MECOM: variants seen among roughly 807,000 people sequenced by gnomAD.
MECOM encodes the protein MDS1 and EVI1 complex locus.
In MECOM, 13 loss-of-function variants were observed where a neutral mutation model predicts 116.3. The observed-to-expected ratio is 0.11, with a 90% confidence interval of 0.07 to 0.18. The LOEUF (loss-of-function observed/expected upper bound fraction) is 0.18. MECOM is among the 10% of genes least tolerant of loss of function. MECOM has a pLI of 1.00. For missense variants in MECOM, 1,299 were observed against 1,509.0 expected, an observed-to-expected ratio of 0.86 and a Z score of 2.31; for synonymous variants, 528 against 535.2, an observed-to-expected ratio of 0.99 and a Z score of 0.19.
intron 1 of MECOM, among the ~76,000 whole-genome samples, chr3:169,424,051 C>T (rs1302608956): frequency 6.6e-6 from 1 of 152,066 alleles, no homozygotes; most frequent in Non-Finnish European, 1.5e-5. Flanking sequence ...TCTTCCTCTG[C>T]CAGAATTTAT....
intron 1 of MECOM, among the ~76,000 whole-genome samples, chr3:169,654,674 T>TA (rs1775308154): frequency 6.6e-6 from 1 of 152,182 alleles, no homozygotes; most frequent in South Asian, 2.1e-4. Context: ...GGGGAGGGAA[T>TA]GCTTCAGTTT....
chr3:169,115,436 A>G lies in MECOM; in HGVS notation c.2436T>C (p.Asp812=). ...GSNVESRPAS[D]GSLQHARPTP... is the part of the protein sequence containing the mutation. The stretch of plus-strand genomic sequence containing the variant: ...TGGGTCTTGCATGCTGCAAGGAACC[A>G]TCTGAAGCAGGTCTTGATTCGACGT... The change falls in exon 8 of 17, where the codon GAT becomes GAC. Residue 812 remains aspartate (D), a synonymous_variant. Transcript: ENST00000651503. 6.2e-7 allele frequency: 1 copy of G among 1,614,234 alleles called. No individual in the cohort carries two copies.
intron 1 of MECOM, among the ~76,000 whole-genome samples, chr3:169,515,339 T>C (rs558415923): frequency 6.6e-6 from 1 of 152,280 alleles, no homozygotes; most frequent in East Asian, 1.9e-4. Context: ...GCTAGCCAAC[T>C]CCTGTGGGGC....
intron 1 of MECOM, among the ~76,000 whole-genome samples, chr3:169,574,989 T>C (rs1272573678): frequency 6.6e-6 from 1 of 152,048 alleles, no homozygotes; most frequent in Non-Finnish European, 1.5e-5. Flanking sequence ...CAGGGAATAA[T>C]ACAACCGAAG....
intron 1 of MECOM, among the ~76,000 whole-genome samples, chr3:169,457,107 C>T (rs375296725): frequency 6.6e-6 from 1 of 152,292 alleles, no homozygotes; most frequent in Middle Eastern, 3.4e-3. Context: ...CTGTTCACAG[C>T]TCTACCACTG....
chr3:169,542,466 T>A (rs1760209189), intron 1 of MECOM, among the ~76,000 whole-genome samples: 1 of 152,208 alleles, frequency 6.6e-6, no homozygotes, highest in South Asian at 2.1e-4. Flanking sequence ...TAGGAGCCAA[T>A]TTCAGTGCTT....
intron 2 of MECOM, among the ~76,000 whole-genome samples, chr3:169,273,605 A>G (rs1177148093): frequency 1.3e-5 from 2 of 152,130 alleles, no homozygotes; most frequent in Non-Finnish European, 2.9e-5. Context: ...TGGGAATGCT[A>G]CGGTTTCTCT....
intron 1 of MECOM, among the ~76,000 whole-genome samples, chr3:169,410,305 T>A (rs982377749): frequency 6.6e-6 from 1 of 152,228 alleles, no homozygotes; most frequent in Non-Finnish European, 1.5e-5. Context: ...GGCTTTTTGT[T>A]CAGTAGTTTT....
chr3:169,421,252 G>A (rs1471484957), intron 1 of MECOM, among the ~76,000 whole-genome samples: 5 of 152,114 alleles, frequency 3.3e-5, no homozygotes, highest in Admixed American at 6.6e-5. Context: ...TAATATGAAA[G>A]ATCATTTTAA....
intron 1 of MECOM, among the ~76,000 whole-genome samples, chr3:169,406,306 T>A (rs998868645): frequency 6.6e-6 from 1 of 152,194 alleles, no homozygotes; most frequent in African/African-American, 2.4e-5. Flanking sequence ...TCTGAACAAG[T>A]CTTTTCATCT....
chr3:169,120,478 G>A (rs537162450), intron 7 of MECOM, among the ~76,000 whole-genome samples: 13 of 152,162 alleles, frequency 8.5e-5, no homozygotes, highest in Non-Finnish European at 1.9e-4. Context: ...CAGCATCTAA[G>A]TGAAAATGTT....
intron 2 of MECOM, among the ~76,000 whole-genome samples, chr3:169,364,223 C>T (rs1398379664): frequency 1.3e-5 from 2 of 151,762 alleles, no homozygotes; most frequent in African/African-American, 4.8e-5. Context: ...AATAAAAATA[C>T]CCTTTAAAAC....
intron 2 of MECOM, among the ~76,000 whole-genome samples, chr3:169,372,283 T>G (rs950479474): frequency 6.6e-6 from 1 of 152,092 alleles, no homozygotes; most frequent in African/African-American, 2.4e-5. Context: ...GACAGGTGCA[T>G]CAACAACTGA....
At chr3:169,650,079 G>A (rs1051151255) in intron 1 of MECOM, among the ~76,000 whole-genome samples, 3 of 152,134 alleles carry the variant, frequency 2.0e-5, no homozygotes, top group Admixed American at 6.5e-5. Context: ...CTCTATCCTG[G>A]TTTATAACTT....
Position 169,381,399 on chromosome 3 carries a change from C to T in MECOM, c.163G>A (p.Ala55Thr). 3.1e-6 allele frequency: 5 copies of T among 1,613,840 alleles called. No individual in the cohort carries two copies. The highest frequency in any genetic ancestry group is 4.2e-6 in the Non-Finnish European group (5 of 1,179,788). ...GGAGAACCCTCCTTTGGAGTGAATG[C>T]TTCACTGGATGTGGCAGGAGAGCAT... is the stretch of plus-strand genomic sequence containing the variant. ...EPCSPATSSE[A>T]FTPKEGSPYK... is the part of the protein sequence containing the mutation. Residue 55 changes from alanine to threonine, a missense_variant, in exon 2 of 17, where the codon GCA (alanine) becomes ACA (threonine). Ala to Thr is a moderately conservative substitution (Grantham distance 58). Transcript: ENST00000651503.
chr3:169,179,555 T>C (rs1745666273), intron 2 of MECOM, among the ~76,000 whole-genome samples: 1 of 152,088 alleles, frequency 6.6e-6, no homozygotes, highest in Non-Finnish European at 1.5e-5. Flanking sequence ...ACTCGAATAA[T>C]AAAATCAACA....
chr3:169,481,887 G>A (rs1030844071), intron 1 of MECOM, among the ~76,000 whole-genome samples: 1 of 152,090 alleles, frequency 6.6e-6, no homozygotes, highest in South Asian at 2.1e-4. Context: ...TCAAAGATCT[G>A]CCCCAACTGG....
At chr3:169,187,397 T>A (rs1026106706) in intron 2 of MECOM, among the ~76,000 whole-genome samples, 11 of 152,002 alleles carry the variant, frequency 7.2e-5, no homozygotes, top group Non-Finnish European at 1.0e-4. Context: ...TATACACAAA[T>A]ACAAATAAAA....
chr3:169,554,285 C>A (rs1028251184), intron 1 of MECOM, among the ~76,000 whole-genome samples: 10 of 152,128 alleles, frequency 6.6e-5, no homozygotes, highest in Admixed American at 2.6e-4. Flanking sequence ...TACATCAGAC[C>A]ACTATATGAG....
Sources: allele counts gnomAD v4.1 joint callset (sites outside exome capture counted in the v4.1 genomes callset), GRCh38; gene constraint gnomAD v4.1.1; transcripts MANE v1.5; gene names NCBI Gene and HGNC (gene_info 2026-07-23, HGNC 2026-07-21).